Variants in FMR1 observed in about 807,000 individuals in gnomAD.
FMR1 encodes the protein fragile X messenger ribonucleoprotein 1.
A neutral mutation model predicts 50.6 loss-of-function variants in FMR1; 13 were observed. The observed-to-expected ratio is 0.26, with a 90% CI of 0.17 to 0.41. The LOEUF is 0.41. Ranked by LOEUF, FMR1 falls within the 10% of genes least tolerant of loss-of-function variation. The probability of loss-of-function intolerance (pLI) is 1.00; values close to 1 mark genes in which losing one functional copy is unlikely to be tolerated. For synonymous variants in FMR1, 138 were observed against 164.1 expected, an observed-to-expected ratio of 0.84 and a Z score of 1.22; for missense variants, 316 against 491.3, an observed-to-expected ratio of 0.64 and a Z score of 3.37.
Position 147,949,366 on chromosome X carries a change from AG to A in FMR1, c.*523del, listed in dbSNP as rs2044269277. On this transcript the variant is annotated 3_prime_UTR_variant, in exon 17 of 17. Transcript: ENST00000370475. ...TGATGTGACATTTGTCATTTTCATT[AG>A]CAAAAAAAGTTGTATGATCTGTGCC... is the stretch of plus-strand genomic sequence containing the variant. The A allele has an allele frequency of 3.1e-6, 1 of 327,470 alleles. No individual in the cohort carries two copies. The highest frequency in any genetic ancestry group is 5.9e-6 in the Non-Finnish European group (1 of 169,666). 27.0% of individuals were successfully genotyped at this position (327,470 alleles called of 1,213,427 possible).
At chrX:147,924,719 C>T (rs1472451734) in intron 2 of FMR1, among the ~76,000 whole-genome samples, 5 of 104,146 alleles carry the variant, frequency 4.8e-5, no homozygotes, top group Admixed American at 2.1e-4. Flanking sequence ...CAGGTCTTAC[C>T]TTGTTGCCCA....
At chrX:147,939,147 C>G (rs1232815979) in intron 12 of FMR1, among the ~76,000 whole-genome samples, 1 of 111,806 alleles carries the variant, frequency 8.9e-6, no homozygotes, top group Non-Finnish European at 1.9e-5. Flanking sequence ...GCTTTTGTAA[C>G]AAATAAAGCT....
intron 16 of FMR1, among the ~76,000 whole-genome samples, chrX:147,948,115 G>A (rs1161883910): frequency 8.9e-6 from 1 of 112,075 alleles, no homozygotes; most frequent in Non-Finnish European, 1.9e-5. Context: ...TGAAATACAA[G>A]CCAGTAGAAA....
Position 147,945,416 on chromosome X carries a change from G to A in FMR1, c.1655-118G>A. 8.8e-6 allele frequency: 5 copies of A among 565,313 alleles called. No homozygotes were observed. The South Asian group carries it at 1.3e-4, about 14-fold the overall frequency. The allele number at this position is 565,313 out of a possible 1,213,427, so 46.6% of individuals were successfully genotyped here. A position where few individuals can be genotyped will look rare whatever the true frequency, so the allele number is the denominator to read the frequency against. On this transcript the variant is annotated intron_variant, in intron 15 of 16. Transcript: ENST00000370475. ...GCCATTGTGTAACTGGAATCACTGG[G>A]GTATTGATTACATTTCAGATTCTGT... is the stretch of plus-strand genomic sequence containing the variant.
intron 5 of FMR1, among the ~76,000 whole-genome samples, chrX:147,929,344 ATGT>A (rs1354206536): frequency 8.1e-5 from 9 of 111,512 alleles, no homozygotes; most frequent in African/African-American, 9.8e-5. Context: ...TGATTTGGAC[ATGT>A]TGTTGAACAT....
intron 7 of FMR1, chrX:147,930,881 A>G (rs181127333): frequency 1.4e-4 from 16 of 112,138 alleles, no homozygotes; most frequent in African/African-American, 4.2e-4. Flanking sequence ...AGAGTTCGTC[A>G]TCATTATTCA....
intron 16 of FMR1, chrX:147,945,838 A>C (rs1557181862): frequency 3.0e-6 from 1 of 336,074 alleles, no homozygotes. Flanking sequence ...GTATTTGTGA[A>C]GACCTTGACA....
intron 1 of FMR1, among the ~76,000 whole-genome samples, chrX:147,916,373 G>A (rs1356562817): frequency 9.0e-6 from 1 of 111,701 alleles, no homozygotes; most frequent in Non-Finnish European, 1.9e-5. Flanking sequence ...AAGGACTGTT[G>A]ATGAGGTTTA....
In FMR1 at chrX:147,945,523, TATTCTC is replaced by T. The variant is rs782289807; in HGVS notation, c.1655-8_1655-3del. On this transcript the variant is annotated splice_region_variant and splice_polypyrimidine_tract_variant and intron_variant, in intron 15 of 16. Coordinates refer to ENST00000370475, the MANE Select transcript of FMR1 (RefSeq NM_002024.6). ...CAGTAACTGTTGAACCTTTTGAAAA[TATTCTC>T]ATAGGAAACGACGATCACTCCCGAA... The T allele has an allele frequency of 2.0e-5, 24 of 1,189,880 alleles. No individual in the cohort carries two copies. Among genetic ancestry groups the T allele is most frequent in the Non-Finnish European group, 2.7e-5 (24 of 876,720 alleles).
intron 1 of FMR1, among the ~76,000 whole-genome samples, chrX:147,914,941 A>T (rs782414544): frequency 8.9e-6 from 1 of 112,087 alleles, no homozygotes; most frequent in East Asian, 2.8e-4. Flanking sequence ...AATGCGTATC[A>T]CTCCAATATG....
chrX:147,937,632 A>T, intron 11 of FMR1, 32 bp downstream of exon 11: 1 of 696,635 alleles, frequency 1.4e-6, no homozygotes, highest in Non-Finnish European at 2.4e-6. Context: ...GAATTACAAT[A>T]CAAGTAATTT....
intron 11 of FMR1, among the ~76,000 whole-genome samples, chrX:147,937,812 A>T (rs2124542339): frequency 8.9e-6 from 1 of 112,265 alleles, no homozygotes; most frequent in Non-Finnish European, 1.9e-5. Context: ...CCATAAACAC[A>T]AAATAATGGG....
At chrX:147,937,013 T>G (rs1212583512) in intron 10 of FMR1, among the ~76,000 whole-genome samples, 2 of 111,747 alleles carry the variant, frequency 1.8e-5, no homozygotes, top group Non-Finnish European at 3.8e-5. Context: ...TCTTTTCACT[T>G]TTTTAGTGTG....
At chrX:147,916,244 CTAATT>C (rs1287422142) in intron 1 of FMR1, among the ~76,000 whole-genome samples, 1 of 112,145 alleles carries the variant, frequency 8.9e-6, no homozygotes, top group Non-Finnish European at 1.9e-5. Flanking sequence ...AAATTAGTAA[CTAATT>C]TAATAATGTT....
In FMR1 at chrX:147,937,611, C is replaced by T. The variant is rs369969634; in HGVS notation, c.1125+11C>T. The T allele has an allele frequency of 6.4e-6, 5 of 787,121 alleles. No individual in the cohort carries two copies. Among genetic ancestry groups the T allele is most frequent in the Non-Finnish European group, 9.8e-6 (5 of 508,283 alleles). 64.9% of individuals were successfully genotyped at this position (787,121 alleles called of 1,213,427 possible). A position where few individuals can be genotyped will look rare whatever the true frequency, so the allele number is the denominator to read the frequency against. On this transcript the variant is annotated intron_variant, in intron 11 of 16. Coordinates refer to ENST00000370475, the MANE Select transcript of FMR1 (RefSeq NM_002024.6). ...ACAAAAGTCCAGAGGGTAAGAATTACTTGTCACTTTGAATTACAATACAAG... is the reference window on the plus strand; with the variant it reads ...ACAAAAGTCCAGAGGGTAAGAATTATTTGTCACTTTGAATTACAATACAAG...
At position 147,943,240 on chromosome X, in the gene FMR1, T is replaced by A; in HGVS notation, c.1385T>A (p.Val462Glu). 8.3e-7 allele frequency: 1 copy of A among 1,210,745 alleles called. No individual in the cohort carries two copies. Among genetic ancestry groups the A allele is most frequent in the East Asian group, 3.0e-5 (1 of 33,849 alleles). ...CGTACAGATAAGGAAAAAAGCTATG[T>A]GACTGATGATGGTCAAGGAATGGGT... The part of the protein sequence containing the change: ...PNRTDKEKSY[V>E]TDDGQGMGRG... Residue 462 changes from valine to glutamate, a missense_variant, in exon 14 of 17, where the codon GTG becomes GAG. Physicochemically the swap from Val to Glu is moderately radical, Grantham distance 121. Transcript: ENST00000370475.
intron 11 of FMR1, 47 bp from the exon 12 acceptor site, chrX:147,938,052 G>A (rs782166122): frequency 2.4e-5 from 24 of 1,021,034 alleles, no homozygotes; most frequent in South Asian, 3.8e-5. Flanking sequence ...TCTGTGTATC[G>A]TTTGTTATAG....
chrX:147,943,298 C>T lies in FMR1; in HGVS notation c.1443C>T (p.His481=). The part of the protein sequence containing the change: ...RGSRPYRNRG[H]GRRGPGYTSG... ...GTAGACCTTACAGAAATAGGGGGCA[C>T]GGCAGACGCGGTCCTGGATATACTT... Residue 481 remains histidine (H), a synonymous_variant, in exon 14 of 17, where the codon CAC becomes CAT. Transcript: ENST00000370475. 8.3e-7 allele frequency: 1 copy of T among 1,209,079 alleles called. No homozygotes were observed. The highest frequency in any genetic ancestry group is 1.1e-6 in the Non-Finnish European group (1 of 893,620).
At chrX:147,946,464 C>G (rs1290418760) in intron 16 of FMR1, among the ~76,000 whole-genome samples, 1 of 112,410 alleles carries the variant, frequency 8.9e-6, no homozygotes, top group African/African-American at 3.2e-5. Flanking sequence ...TTGGCTGTCA[C>G]CAGTGCTAAA....
Sources: allele counts gnomAD v4.1 joint callset (sites outside exome capture counted in the v4.1 genomes callset), GRCh38; gene constraint gnomAD v4.1.1; transcripts MANE v1.5; gene names NCBI Gene and HGNC (gene_info 2026-07-23, HGNC 2026-07-21).